Variants in DHX34 observed in about 807,000 individuals in gnomAD.
The protein encoded by DHX34 is DExH-box helicase 34, also known as probable ATP-dependent RNA helicase DHX34.
A neutral mutation model predicts 111.1 loss-of-function variants in DHX34; 96 were observed. The observed-to-expected ratio is 0.86, with a 90% confidence interval of 0.73 to 1.02. DHX34 has a LOEUF of 1.02. Among genes scored for constraint, DHX34 ranks in the 50% least tolerant of loss-of-function variants. The pLI is 0.00. For synonymous variants in DHX34, 688 were observed against 670.4 expected (o/e 1.03, Z -0.41); for missense variants, 1,560 against 1,579.9 (o/e 0.99, Z 0.21).
At chr19:47,379,586 G>T (rs1008955497) in intron 13 of DHX34, 124 bp from the exon 14 acceptor site, 3 of 1,478,300 alleles carry the variant, frequency 2.0e-6, no homozygotes, top group Non-Finnish European at 2.7e-6. Flanking sequence ...GTAGATGGCG[G>T]GTAGGTGGAT....
chr19:47,355,876 T>C (rs1457932844), intron 3 of DHX34, among the ~76,000 whole-genome samples: 3 of 151,436 alleles, frequency 2.0e-5, no homozygotes, highest in African/African-American at 7.3e-5. Context: ...CCCAAAAATG[T>C]AAAGTCTCAA....
At chr19:47,376,957 T>C in intron 12 of DHX34, 143 bp from the exon 13 acceptor site, 3 of 1,542,578 alleles carry the variant, frequency 1.9e-6, no homozygotes, top group Non-Finnish European at 2.6e-6. Flanking sequence ...TTGGCTGACC[T>C]TCTTGTCTGA....
At chr19:47,376,586 C>A (rs1401901310) in intron 12 of DHX34, 26 bp downstream of exon 12, 1 of 1,547,380 alleles carries the variant, frequency 6.5e-7, no homozygotes, top group African/African-American at 1.4e-5. Flanking sequence ...GCGGAAGGAA[C>A]CCCCATCCGG....
chr19:47,377,298 G>T, intron 13 of DHX34, 92 bp downstream of exon 13: 1 of 1,357,156 alleles, frequency 7.4e-7, no homozygotes, highest in Non-Finnish European at 1.0e-6. Context: ...GCTTGGAGGG[G>T]CCACCTGGCA....
At chr19:47,350,532 C>T (rs1969254470) in intron 1 of DHX34, among the ~76,000 whole-genome samples, 1 of 151,862 alleles carries the variant, frequency 6.6e-6, no homozygotes, top group Admixed American at 6.6e-5. Flanking sequence ...AGCGAGTCTC[C>T]TGCCTCAGCC....
chr19:47,379,912 A>T lies in DHX34; in HGVS notation c.2909A>T (p.Glu970Val), dbSNP rs755063972. Residue 970 changes from glutamate to valine, a missense_variant, in exon 14 of 17, where the codon GAG becomes GTG. Glu to Val is a moderately radical substitution (Grantham distance 121). Coordinates refer to ENST00000328771, the MANE Select transcript of DHX34 (RefSeq NM_014681.6). Reference sequence around the variant, plus strand: ...GCCCAGCAGCAGCTGGAGGAGGAGGAGGAGGATACGCCAGTCAGCCCCAAG... The same window carrying T: ...GCCCAGCAGCAGCTGGAGGAGGAGGTGGAGGATACGCCAGTCAGCCCCAAG... ...HQAQQQLEEE[E>V]EDTPVSPKEV... The T allele has an allele frequency of 2.5e-6, 4 of 1,612,952 alleles. No individual in the cohort carries two copies. The South Asian group carries it at 4.4e-5, about 18-fold the overall frequency.
At chr19:47,369,525 C>G (rs758188417) in intron 7 of DHX34, among the ~76,000 whole-genome samples, 5 of 152,192 alleles carry the variant, frequency 3.3e-5, no homozygotes, top group Non-Finnish European at 7.4e-5. Flanking sequence ...TAAAACAAAA[C>G]TCCTGCCCTC....
intron 3 of DHX34, among the ~76,000 whole-genome samples, chr19:47,356,034 A>G (rs1473440005): frequency 1.3e-5 from 2 of 152,094 alleles, no homozygotes; most frequent in African/African-American, 4.8e-5. Flanking sequence ...AGTCAGCAAG[A>G]TTGACATTTC....
rs200632154 is a variant in DHX34, at chr19:47,381,146, A to G, written c.3160-40A>G. The G allele has an allele frequency of 4.0e-4, 647 of 1,607,786 alleles. 2 individuals are homozygous for G. Among genetic ancestry groups the G allele is most frequent in the Non-Finnish European group, 7.4e-5 (87 of 1,175,706 alleles). ...GGGGGGCACTTGGGTGGTGGGTGGCACTTGGCGGGGGCCCAGCCCTGACAG... is the reference window on the plus strand; with the variant it reads ...GGGGGGCACTTGGGTGGTGGGTGGCGCTTGGCGGGGGCCCAGCCCTGACAG... On this transcript the variant is annotated intron_variant, in intron 15 of 16. Transcript: ENST00000328771.
At position 47,367,072 on chromosome 19, in the gene DHX34, G is replaced by A. The variant is rs574321230; in HGVS notation, c.1685G>A (p.Arg562Gln). 14 of 1,608,848 alleles carry A rather than the reference G, an allele frequency of 8.7e-6. No individual in the cohort carries two copies. The highest frequency in any genetic ancestry group is 5.5e-5 in the South Asian group (5 of 90,154). ...ASLETAILYLRDQGALDSSEA... is the reference protein window; with the variant it reads ...ASLETAILYLQDQGALDSSEA... Reference sequence around the variant, plus strand: ...CTGGAAACCGCCATCCTCTACCTCCGGGACCAGGGGGCCCTGGACAGCTCA... The same window carrying A: ...CTGGAAACCGCCATCCTCTACCTCCAGGACCAGGGGGCCCTGGACAGCTCA... Residue 562 changes from arginine (R) to glutamine (Q), a missense_variant, in exon 7 of 17, where the codon CGG becomes CAG. Physicochemically the swap from Arg to Gln is conservative, Grantham distance 43. Coordinates refer to ENST00000328771, the MANE Select transcript of DHX34 (RefSeq NM_014681.6).
chr19:47,381,848 C>G lies in DHX34; in HGVS notation c.3299-132C>G, dbSNP rs893013975. On this transcript the variant is annotated intron_variant, in intron 16 of 16. Coordinates refer to ENST00000328771, the MANE Select transcript of DHX34 (RefSeq NM_014681.6). ...ATTTTTATTAATCTGGGAGGGCTTC[C>G]TGGAGGAGGCAAAACTGGGTTCTCC... 6 of 1,499,896 alleles carry G rather than the reference C, an allele frequency of 4.0e-6. No homozygotes were observed. In the African/African-American group the frequency reaches 8.5e-5, roughly 21 times the overall value. 92.9% of individuals were successfully genotyped at this position (1,499,896 alleles called of 1,614,324 possible).
At chr19:47,363,570 C>T (rs1969698093) in intron 6 of DHX34, among the ~76,000 whole-genome samples, 1 of 151,974 alleles carries the variant, frequency 6.6e-6, no homozygotes, top group Non-Finnish European at 1.5e-5. Context: ...GTAATCCCAG[C>T]ACTTTGGGAG....
intron 10 of DHX34, 77 bp from the exon 11 acceptor site, chr19:47,375,847 C>T (rs950626616): frequency 1.4e-5 from 21 of 1,541,596 alleles, no homozygotes; most frequent in East Asian, 2.3e-5. Flanking sequence ...CAGGTATCTG[C>T]AGAGCCTGGG....
chr19:47,356,625 C>G (rs1273650708), intron 3 of DHX34, among the ~76,000 whole-genome samples: 1 of 143,504 alleles, frequency 7.0e-6, no homozygotes, highest in Non-Finnish European at 1.5e-5. Flanking sequence ...AAGATCCCAT[C>G]TCAAAAAAAA....
intron 14 of DHX34, among the ~76,000 whole-genome samples, chr19:47,380,513 T>TAGG (rs1026806245): frequency 6.7e-6 from 1 of 149,164 alleles, no homozygotes; most frequent in South Asian, 2.1e-4. Context: ...GCTGACATGC[T>TAGG]AGGAGGAGGA....
intron 3 of DHX34, among the ~76,000 whole-genome samples, chr19:47,357,591 C>T (rs762523529): frequency 6.6e-6 from 1 of 152,142 alleles, no homozygotes; most frequent in Non-Finnish European, 1.5e-5. Context: ...CTACGATGCA[C>T]AGGACAGCCC....
At chr19:47,362,445 C>G (rs762759611) in intron 5 of DHX34, 31 bp from the exon 6 acceptor site, 1 of 1,507,054 alleles carries the variant, frequency 6.6e-7, no homozygotes, top group Admixed American at 2.3e-5. Flanking sequence ...CTGCCACACA[C>G]AGACTCCCTT....
chr19:47,375,323 T>C (rs988143801), intron 9 of DHX34, 143 bp from the exon 10 acceptor site: 4 of 1,404,614 alleles, frequency 2.8e-6, no homozygotes, highest in African/African-American at 3.0e-5. Flanking sequence ...GGAGCAGCGA[T>C]CCATGCCCAG....
At position 47,360,037 on chromosome 19, in the gene DHX34, ACCATTGACG is replaced by A. The variant is rs1196605151; in HGVS notation, c.1343_1351del (p.Thr448_Gly451delinsArg). On this transcript the variant is annotated inframe_deletion, in exon 5 of 17. Transcript: ENST00000328771. ...CACCAACATTGCTGAGACCTCAGTC[ACCATTGACG>A]GGATCCGCTTCGTAGTAGATTCCGG... is the stretch of plus-strand genomic sequence containing the variant. The A allele has an allele frequency of 6.2e-7, 1 of 1,613,878 alleles. No individual in the cohort carries two copies.
Sources: allele counts gnomAD v4.1 joint callset (sites outside exome capture counted in the v4.1 genomes callset), GRCh38; gene constraint gnomAD v4.1.1; transcripts MANE v1.5; gene names NCBI Gene and HGNC (gene_info 2026-07-23, HGNC 2026-07-21).